Variants in TMEM187 observed in about 807,000 individuals in gnomAD.
The protein encoded by TMEM187 is chromosome X open reading frame 12.
Under a neutral mutation model 11.8 loss-of-function variants are expected in TMEM187, and 14 were observed. That is an observed-to-expected ratio of 1.18 (90% confidence interval 0.78 to 1.85). The LOEUF is 1.85. TMEM187 is among the 40% of genes most tolerant of loss of function. The probability of loss-of-function intolerance (pLI) is 0.00; values close to 1 mark genes in which losing one functional copy is unlikely to be tolerated. For missense variants in TMEM187, 227 were observed against 243.9 expected (o/e 0.93, Z 0.46); for synonymous variants, 112 against 118.5 (o/e 0.95, Z 0.36).
At chrX:153,976,480 G>A (rs782563541) in intron 1 of TMEM187, among the ~76,000 whole-genome samples, 17 of 111,872 alleles carry the variant, frequency 1.5e-4, no homozygotes, top group Non-Finnish European at 2.6e-4. Context: ...GTGGTGAGCC[G>A]AGATTGTGCC....
At chrX:153,975,629 CTTTTTTTTTTTTT>C (rs58423366) in intron 1 of TMEM187, among the ~76,000 whole-genome samples, 5 of 16,651 alleles carry the variant, frequency 3.0e-4, no homozygotes, top group South Asian at 0.017. Flanking sequence ...CACACCCAGC[CTTTTTTTTTTTTT>C]TTTTTTTTTT....
chrX:153,981,950 C>T lies in TMEM187; in HGVS notation c.-113C>T, dbSNP rs782468612. ...GCATCTGCCTCGGAAATCACGAAAT[C>T]ACGGGGCTTCTTTCTGCTGGCTCAG... On this transcript the variant is annotated 5_prime_UTR_variant, in exon 2 of 2. Coordinates refer to ENST00000369982, the MANE Select transcript of TMEM187 (RefSeq NM_003492.3). 5.2e-6 allele frequency: 6 copies of T among 1,163,713 alleles called. No homozygotes were observed. Among genetic ancestry groups the T allele is most frequent in the Non-Finnish European group, 5.8e-6 (5 of 863,767 alleles).
At chrX:153,973,095 C>T (rs926112929) in intron 1 of TMEM187, among the ~76,000 whole-genome samples, 3 of 112,314 alleles carry the variant, frequency 2.7e-5, no homozygotes, top group Non-Finnish European at 5.6e-5. Context: ...TCTAGAAGTT[C>T]AGTTAAATTA....
At chrX:153,979,798 G>A (rs1024032758) in intron 1 of TMEM187, among the ~76,000 whole-genome samples, 3 of 98,331 alleles carry the variant, frequency 3.1e-5, no homozygotes, top group African/African-American at 7.5e-5. Flanking sequence ...GTGCAGTGGC[G>A]CGATCTCAGC....
At position 153,982,250 on chromosome X, in the gene TMEM187, C is replaced by G; in HGVS notation, c.188C>G (p.Ala63Gly). 1 of 1,212,244 alleles carries G rather than the reference C, an allele frequency of 8.2e-7. No individual in the cohort carries two copies. The highest frequency in any genetic ancestry group is 1.1e-6 in the Non-Finnish European group (1 of 895,623). Reference protein sequence around the residue: ...AMPFNSLVNMAYTLLGLSWLH... With the variant: ...AMPFNSLVNMGYTLLGLSWLH... ...CCGTTCAACTCACTCGTGAACATGG[C>G]CTACACGCTGCTGGGGCTGTCGTGG... is the stretch of plus-strand genomic sequence containing the variant. Residue 63 changes from alanine to glycine, a missense_variant, in exon 2 of 2, where the codon GCC (alanine) becomes GGC (glycine). Coordinates refer to ENST00000369982, the MANE Select transcript of TMEM187 (RefSeq NM_003492.3).
At chrX:153,978,942 A>C (rs782449351) in intron 1 of TMEM187, among the ~76,000 whole-genome samples, 5 of 110,739 alleles carry the variant, frequency 4.5e-5, no homozygotes, top group Non-Finnish European at 9.5e-5. Context: ...GTGCGCCACC[A>C]CGCCTGGTTA....
chrX:153,973,869 T>C (rs1557121095), intron 1 of TMEM187, among the ~76,000 whole-genome samples: 1 of 112,087 alleles, frequency 8.9e-6, no homozygotes, highest in Admixed American at 9.4e-5. Context: ...GAGGTGACAG[T>C]GCCTGCTGTT....
intron 1 of TMEM187, among the ~76,000 whole-genome samples, chrX:153,975,948 C>G (rs1028010313): frequency 3.6e-5 from 4 of 110,623 alleles, no homozygotes; most frequent in South Asian, 7.6e-4. Flanking sequence ...CTGGCCTCTT[C>G]TAGTAGCTTT....
rs372840875 is a variant in TMEM187 at position 153,982,195 on chromosome X, G to A, written c.133G>A (p.Val45Met). The A allele has an allele frequency of 1.2e-5, 15 of 1,211,694 alleles. No homozygotes were observed. Among genetic ancestry groups the A allele is most frequent in the Non-Finnish European group, 1.7e-5 (15 of 895,554 alleles). The change falls in exon 2 of 2, where the codon GTG becomes ATG. Residue 45 changes from valine (V) to methionine (M), a missense_variant. Transcript: ENST00000369982. The part of the protein sequence containing the change: ...VGYEHYAEAP[V>M]AGLPAFLAMP... ...CTATGAGCACTACGCCGAGGCGCCCGTGGCCGGCCTCCCTGCCTTCCTGGC... is the reference window on the plus strand; with the variant it reads ...CTATGAGCACTACGCCGAGGCGCCCATGGCCGGCCTCCCTGCCTTCCTGGC...
chrX:153,982,488 CCT>C lies in TMEM187; in HGVS notation c.433_434del (p.Leu145Ter), dbSNP rs2065608528. 2 of 1,204,613 alleles carry C rather than the reference CCT, an allele frequency of 1.7e-6. No homozygotes were observed. Among genetic ancestry groups the C allele is most frequent in the Non-Finnish European group, 2.2e-6 (2 of 894,691 alleles). Reference sequence around the variant, plus strand: ...ACCGCGGCTGGCGGCCCTGGCTGTTCCTCTCTCTTGAGTGCGTCTCCCTGGCC... The same window carrying C: ...ACCGCGGCTGGCGGCCCTGGCTGTTCCTCTCTTGAGTGCGTCTCCCTGGCC... ...LDRGWRPWLF[L>X]SLECVSLASY... On this transcript the variant is annotated frameshift_variant, in exon 2 of 2. Transcript: ENST00000369982. LOFTEE classifies it high-confidence loss of function.
At chrX:153,977,914 G>T (rs1278647701) in intron 1 of TMEM187, among the ~76,000 whole-genome samples, 2 of 104,415 alleles carry the variant, frequency 1.9e-5, no homozygotes, top group Admixed American at 2.1e-4. Flanking sequence ...GCAAGATTCC[G>T]TCTCAATAAA....
chrX:153,981,199 C>A (rs1312300038), intron 1 of TMEM187: 1 of 112,485 alleles, frequency 8.9e-6, no homozygotes, highest in Non-Finnish European at 1.9e-5. Flanking sequence ...TACTAGGGCT[C>A]ACTTACAGCA....
At position 153,982,853 on chromosome X, in the gene TMEM187, A is replaced by C; in HGVS notation, c.*5A>C. 1 of 1,212,106 alleles carries C rather than the reference A, an allele frequency of 8.3e-7. No homozygotes were observed. Among genetic ancestry groups the C allele is most frequent in the African/African-American group, 1.7e-5 (1 of 57,865 alleles). The stretch of plus-strand genomic sequence containing the variant: ...TCTGGCGGGAAGACGCGTTGAACCC[A>C]GGGAAGAACCTGCTGAAAACCGATG... On this transcript the variant is annotated 3_prime_UTR_variant, in exon 2 of 2. Transcript: ENST00000369982.
At position 153,982,361 on chromosome X, in the gene TMEM187, A is replaced by G; in HGVS notation, c.299A>G (p.Gln100Arg). The G allele has an allele frequency of 8.3e-7, 1 of 1,204,783 alleles. No homozygotes were observed. The highest frequency in any genetic ancestry group is 1.1e-6 in the Non-Finnish European group (1 of 893,801). The change falls in exon 2 of 2, where the codon CAG (glutamine) becomes CGG (arginine). Residue 100 changes from glutamine (Q) to arginine (R), a missense_variant. Physicochemically the swap from Gln to Arg is conservative, Grantham distance 43 (BLOSUM62 1). Coordinates refer to ENST00000369982, the MANE Select transcript of TMEM187 (RefSeq NM_003492.3). The stretch of plus-strand genomic sequence containing the variant: ...ATGGCCCTGCTCTATGGCCCCGTGC[A>G]GTGGCTGCGCCTGTGGACGCAGTGG... ...AAMALLYGPV[Q>R]WLRLWTQWRR...
intron 1 of TMEM187, among the ~76,000 whole-genome samples, chrX:153,976,301 C>T (rs1557121466): frequency 9.0e-6 from 1 of 110,622 alleles, no homozygotes; most frequent in Non-Finnish European, 1.9e-5. Flanking sequence ...GAGGCCAAGA[C>T]GGCCAGATCA....
rs782815024 is a variant in TMEM187 at position 153,978,597 on chromosome X, G to C, written c.-213-3253G>C. Among the ~76,000 whole-genome samples, 6 of 75,080 alleles carry C rather than the reference G, an allele frequency of 8.0e-5. No individual in the cohort carries two copies. The East Asian group carries it at 2.5e-3, about 31-fold the overall frequency. 65.2% of individuals were successfully genotyped at this position (75,080 alleles called of 115,157 possible). A position where few individuals can be genotyped will look rare whatever the true frequency, so the allele number is the denominator to read the frequency against. Reference sequence around the variant, plus strand: ...TTTTTTTTTTTTTTTTTTTTTTTGGGGGGGAGAGGGAGTTTCGCTCTTGTT... The same window carrying C: ...TTTTTTTTTTTTTTTTTTTTTTTGGCGGGGAGAGGGAGTTTCGCTCTTGTT... On this transcript the variant is annotated intron_variant, in intron 1 of 1. Transcript: ENST00000369982.
At chrX:153,975,883 G>A (rs928612439) in intron 1 of TMEM187, among the ~76,000 whole-genome samples, 6 of 108,700 alleles carry the variant, frequency 5.5e-5, no homozygotes, top group Non-Finnish European at 1.1e-4. Context: ...GACCTTAAGT[G>A]ATCTGCCCGC....
At position 153,982,996 on chromosome X, in the gene TMEM187, C is replaced by T. The variant is rs1241555211; in HGVS notation, c.*148C>T. 2.0e-5 allele frequency: 22 copies of T among 1,107,196 alleles called. No homozygotes were observed. The highest frequency in any genetic ancestry group is 4.0e-5 in the South Asian group (2 of 50,222). 91.2% of individuals were successfully genotyped at this position (1,107,196 alleles called of 1,213,427 possible). A position where few individuals can be genotyped will look rare whatever the true frequency, so the allele number is the denominator to read the frequency against. On this transcript the variant is annotated 3_prime_UTR_variant, in exon 2 of 2. Transcript: ENST00000369982. Reference sequence around the variant, plus strand: ...CCCTTTCCTGAGAAGCTGCGGGCTTCGGTGTGGAGGGGTGGAGTGCTGTGA... The same window carrying T: ...CCCTTTCCTGAGAAGCTGCGGGCTTTGGTGTGGAGGGGTGGAGTGCTGTGA...
At chrX:153,978,401 T>C (rs1393701777) in intron 1 of TMEM187, among the ~76,000 whole-genome samples, 2 of 101,685 alleles carry the variant, frequency 2.0e-5, no homozygotes, top group Non-Finnish European at 4.0e-5. Context: ...CCCAAGTAGC[T>C]GGAACTACAG....
Sources: gnomAD v4.1 joint callset for allele counts (sites outside exome capture counted in the v4.1 genomes callset) on GRCh38, gnomAD v4.1.1 for gene constraint, MANE v1.5 for transcripts, NCBI Gene and HGNC (gene_info 2026-07-23, HGNC 2026-07-21) for gene names.